The following ENTREP2 variants were observed in gnomAD, a reference collection of about 807,000 sequenced individuals.
ENTREP2 encodes endosomal transmembrane epsin interactor 2.
the ENTREP2 span, among the ~76,000 whole-genome samples, chr15:29,489,753 T>C: frequency 6.6e-6 from 1 of 152,194 alleles, no homozygotes; most frequent in Non-Finnish European, 1.5e-5. Context: ...AACACGCCCC[T>C]GCCTGATGCC....
chr15:29,546,734 C>G, the ENTREP2 span, among the ~76,000 whole-genome samples: 2 of 151,312 alleles, frequency 1.3e-5, no homozygotes, highest in East Asian at 4.0e-4. Context: ...AAAATACAAA[C>G]AAATTAGCTG....
the ENTREP2 span, among the ~76,000 whole-genome samples, chr15:29,198,599 A>AACACACAT: frequency 6.6e-6 from 1 of 152,198 alleles, no homozygotes; most frequent in East Asian, 1.9e-4. Context: ...TGTGAAACCT[A>AACACACAT]ACACACATAC....
At chr15:29,296,263 G>C in the ENTREP2 span, among the ~76,000 whole-genome samples, 2 of 152,058 alleles carry the variant, frequency 1.3e-5, no homozygotes, top group East Asian at 3.9e-4. Flanking sequence ...TGGTGGCTTG[G>C]ATGAGGGGGT....
the ENTREP2 span, among the ~76,000 whole-genome samples, chr15:29,402,483 G>A: frequency 4.6e-5 from 7 of 152,008 alleles, no homozygotes; most frequent in Admixed American, 3.9e-4. Flanking sequence ...GCTGATTTTT[G>A]TATCTTTTGT....
the ENTREP2 span, among the ~76,000 whole-genome samples, chr15:29,276,260 T>C: frequency 6.6e-6 from 1 of 152,212 alleles, no homozygotes; most frequent in African/African-American, 2.4e-5. Context: ...AAGAAATGCA[T>C]CTTCCAGTTA....
the ENTREP2 span, among the ~76,000 whole-genome samples, chr15:29,164,809 T>G: frequency 6.6e-6 from 1 of 152,170 alleles, no homozygotes; most frequent in Admixed American, 6.5e-5. Context: ...GGATTTAAAC[T>G]ATACCTTGGA....
chr15:29,154,546 G>A, the ENTREP2 span, among the ~76,000 whole-genome samples: 3 of 152,036 alleles, frequency 2.0e-5, no homozygotes, highest in Non-Finnish European at 2.9e-5. Flanking sequence ...CACTCAAAAA[G>A]CTATCAGAAA....
At chr15:29,131,565 T>C in the ENTREP2 span, among the ~76,000 whole-genome samples, 1 of 117,106 alleles carries the variant, frequency 8.5e-6, no homozygotes, top group Non-Finnish European at 1.7e-5. Flanking sequence ...CCTTAGCTGG[T>C]GCTGTGACCT....
At chr15:29,538,808 C>CAA in the ENTREP2 span, among the ~76,000 whole-genome samples, 35 of 146,252 alleles carry the variant, frequency 2.4e-4, no homozygotes, top group East Asian at 2.0e-3. Flanking sequence ...GACTCTATCT[C>CAA]AAAAAAAAAA....
the ENTREP2 span, among the ~76,000 whole-genome samples, chr15:29,219,815 G>A: frequency 6.6e-6 from 1 of 151,376 alleles, no homozygotes; most frequent in African/African-American, 2.4e-5. Context: ...GCTAAGCTAT[G>A]AGGATGCAAA....
chr15:29,213,505 C>T, the ENTREP2 span, among the ~76,000 whole-genome samples: 1 of 152,116 alleles, frequency 6.6e-6, no homozygotes, highest in Middle Eastern at 3.2e-3. Flanking sequence ...AGGTCCTTCA[C>T]ATCCCTTGTA....
At chr15:29,162,781 C>T in the ENTREP2 span, among the ~76,000 whole-genome samples, 8 of 151,876 alleles carry the variant, frequency 5.3e-5, no homozygotes, top group Non-Finnish European at 7.4e-5. Flanking sequence ...GCCCAGCCCA[C>T]AGCCAGTCCC....
the ENTREP2 span, chr15:29,195,123 A>T: frequency 1.9e-5 from 19 of 985,166 alleles, no homozygotes; most frequent in Non-Finnish European, 1.7e-5. Flanking sequence ...TGGTCCCATG[A>T]TGGGATGGGC....
chr15:29,424,280 T>C, the ENTREP2 span, among the ~76,000 whole-genome samples: 1 of 152,172 alleles, frequency 6.6e-6, no homozygotes, highest in African/African-American at 2.4e-5. Context: ...TGGGTGGCTT[T>C]TGTTCCCTTA....
At chr15:29,430,805 A>C in the ENTREP2 span, among the ~76,000 whole-genome samples, 1 of 152,174 alleles carries the variant, frequency 6.6e-6, no homozygotes, top group African/African-American at 2.4e-5. Context: ...CCCACTCCCC[A>C]AAAAAGGGCC....
the ENTREP2 span, chr15:29,613,864 A>C: frequency 5.9e-6 from 1 of 169,100 alleles, no homozygotes; most frequent in African/African-American, 2.4e-5. Context: ...CCAGCTGTAT[A>C]GGGCTCTCAC....
the ENTREP2 span, among the ~76,000 whole-genome samples, chr15:29,639,133 G>A: frequency 0.017 from 2,595 of 152,288 alleles, 65 homozygotes; most frequent in African/African-American, 0.059. Flanking sequence ...TTGTCGTGGA[G>A]GAGTAAATAA....
the ENTREP2 span, among the ~76,000 whole-genome samples, chr15:29,649,965 G>A: frequency 1.3e-5 from 2 of 152,026 alleles, no homozygotes; most frequent in African/African-American, 4.8e-5. Flanking sequence ...AAAGGTATAT[G>A]CCTCATCTGT....
chr15:29,628,728 C>T, the ENTREP2 span, among the ~76,000 whole-genome samples: 1 of 152,118 alleles, frequency 6.6e-6, no homozygotes, highest in African/African-American at 2.4e-5. Context: ...TTTAAGATCA[C>T]TGTGTGTTTT....
Sources: allele counts gnomAD v4.1 joint callset (sites outside exome capture counted in the v4.1 genomes callset), GRCh38; gene constraint gnomAD v4.1.1; transcripts MANE v1.5; gene names NCBI Gene and HGNC (gene_info 2026-07-23, HGNC 2026-07-21).